Variants in RNF150 observed in about 807,000 individuals in gnomAD.
The protein encoded by RNF150 is ring finger protein 150.
In RNF150, 24 loss-of-function variants were observed where a neutral mutation model predicts 39.3. That is an observed-to-expected ratio of 0.61 (90% CI 0.44 to 0.86). The LOEUF is 0.86. Ranked by LOEUF, RNF150 falls within the 40% of genes least tolerant of loss-of-function variation. RNF150 has a pLI of 0.00. For missense variants in RNF150, 502 were observed against 587.8 expected, an observed-to-expected ratio of 0.85 and a Z score of 1.51; for synonymous variants, 255 against 227.3, an observed-to-expected ratio of 1.12 and a Z score of -1.10.
At position 140,947,879 on chromosome 4, in the gene RNF150, A is replaced by G. The variant is rs140103417; in HGVS notation, c.808-143T>C. On this transcript the variant is annotated intron_variant, in intron 3 of 6. Transcript: ENST00000515673. The stretch of plus-strand genomic sequence containing the variant: ...AGTTTTTAAATCAAATGTACCATCA[A>G]TTGGACTAGTTTCCATTCCTTCCAA... The G allele has an allele frequency of 1.1e-4, 60 of 554,288 alleles. No homozygotes were observed. The East Asian group carries it at 1.6e-3, about 15-fold the overall frequency. 34.3% of individuals were successfully genotyped at this position (554,288 alleles called of 1,614,324 possible).
At chr4:141,001,004 G>C (rs962737137) in intron 1 of RNF150, among the ~76,000 whole-genome samples, 1 of 152,154 alleles carries the variant, frequency 6.6e-6, no homozygotes, top group Admixed American at 6.5e-5. Flanking sequence ...CAGAGAAAAA[G>C]AATTAAACAA....
At chr4:141,063,991 C>CAAA (rs35348369) in intron 1 of RNF150, among the ~76,000 whole-genome samples, 8 of 116,658 alleles carry the variant, frequency 6.9e-5, no homozygotes, top group African/African-American at 1.4e-4. Flanking sequence ...AAAAGTTCTA[C>CAAA]AAAAAAAAAA....
At chr4:141,160,442 T>C (rs1479797836) in intron 1 of RNF150, among the ~76,000 whole-genome samples, 1 of 152,238 alleles carries the variant, frequency 6.6e-6, no homozygotes, top group Non-Finnish European at 1.5e-5. Context: ...ATAAAGTGTC[T>C]TTGCAAAGTA....
intron 6 of RNF150, among the ~76,000 whole-genome samples, chr4:140,908,945 A>G (rs1730491298): frequency 6.6e-6 from 1 of 152,142 alleles, no homozygotes; most frequent in Non-Finnish European, 1.5e-5. Flanking sequence ...ATGATCCTTT[A>G]CAAATGTTTA....
chr4:141,036,919 T>C (rs773525717), intron 1 of RNF150, among the ~76,000 whole-genome samples: 1 of 152,202 alleles, frequency 6.6e-6, no homozygotes, highest in Non-Finnish European at 1.5e-5. Flanking sequence ...AGCTCAAAAT[T>C]GCTGCAAGTC....
chr4:141,049,820 G>A, intron 1 of RNF150, among the ~76,000 whole-genome samples: 2 of 151,982 alleles, frequency 1.3e-5, no homozygotes, highest in East Asian at 1.9e-4. Flanking sequence ...CCCCTATTAG[G>A]GGAAAGCCAA....
chr4:141,089,445 G>A (rs553673349), intron 1 of RNF150, among the ~76,000 whole-genome samples: 12 of 152,204 alleles, frequency 7.9e-5, no homozygotes, highest in Admixed American at 2.0e-4. Context: ...CAAGAAAGAC[G>A]GTAGGAACAG....
At position 141,132,987 on chromosome 4, in the gene RNF150, G is replaced by C; in HGVS notation, c.-179C>G. 1.8e-6 allele frequency: 1 copy of C among 555,054 alleles called. No individual in the cohort carries two copies. Among genetic ancestry groups the C allele is most frequent in the Non-Finnish European group, 3.1e-6 (1 of 322,400 alleles). 34.4% of individuals were successfully genotyped at this position (555,054 alleles called of 1,614,324 possible). ...GGGACCGGATTCCGGGCGAGCGGAT[G>C]GCGCTGGCCCCTTCCCCTCTCAGCT... is the stretch of plus-strand genomic sequence containing the variant. On this transcript the variant is annotated 5_prime_UTR_variant, in exon 1 of 7. Transcript: ENST00000515673. The surrounding 1 kb of genome is among the most constrained non-coding windows in gnomAD (Gnocchi z 4.9).
intron 1 of RNF150, among the ~76,000 whole-genome samples, chr4:141,128,025 C>T (rs2111101511): frequency 6.6e-6 from 1 of 152,264 alleles, no homozygotes; most frequent in East Asian, 1.9e-4. Flanking sequence ...GGAACTGGAA[C>T]ACCCTGTTTC....
At chr4:141,100,728 T>G (rs1391936865) in intron 1 of RNF150, among the ~76,000 whole-genome samples, 1 of 152,194 alleles carries the variant, frequency 6.6e-6, no homozygotes, top group Non-Finnish European at 1.5e-5. Context: ...ATTTCATCAT[T>G]GTGGAAACAT....
At chr4:141,117,258 T>C (rs1482267601) in intron 1 of RNF150, among the ~76,000 whole-genome samples, 1 of 152,216 alleles carries the variant, frequency 6.6e-6, no homozygotes, top group Non-Finnish European at 1.5e-5. Context: ...GTGTTTCTTG[T>C]GCAACACAAA....
intron 1 of RNF150, among the ~76,000 whole-genome samples, chr4:141,210,855 A>G (rs1399967904): frequency 6.6e-6 from 1 of 152,186 alleles, no homozygotes. Flanking sequence ...ATGCTCATGT[A>G]ACTCAATTCT....
At chr4:140,895,904 G>C (rs1729925361) in intron 6 of RNF150, among the ~76,000 whole-genome samples, 1 of 150,098 alleles carries the variant, frequency 6.7e-6, no homozygotes, top group African/African-American at 2.5e-5. Context: ...CTCAAAAGAA[G>C]ACATTTATGC....
intron 4 of RNF150, among the ~76,000 whole-genome samples, chr4:140,934,894 C>T (rs1008092906): frequency 1.3e-5 from 2 of 149,678 alleles, no homozygotes; most frequent in Non-Finnish European, 3.0e-5. Context: ...TGATATCTGT[C>T]CTATCTATAT....
intron 2 of RNF150, among the ~76,000 whole-genome samples, chr4:140,965,914 C>A (rs1031981052): frequency 1.3e-5 from 2 of 151,976 alleles, no homozygotes; most frequent in Admixed American, 6.6e-5. Flanking sequence ...CTCTTGTCAT[C>A]AAAAAACTAT....
chr4:141,133,686 C>T (rs1219341047), upstream of RNF150, among the ~76,000 whole-genome samples: 1 of 152,120 alleles, frequency 6.6e-6, no homozygotes, highest in Non-Finnish European at 1.5e-5. Flanking sequence ...ACGGGAATAA[C>T]TTCCTGAGCG....
intron 5 of RNF150, among the ~76,000 whole-genome samples, chr4:140,917,550 G>A (rs1047093144): frequency 2.6e-5 from 4 of 152,160 alleles, no homozygotes; most frequent in African/African-American, 9.7e-5. Flanking sequence ...CAAGTCCTTA[G>A]TGACCTACAA....
chr4:140,994,728 C>A (rs1435122509), intron 1 of RNF150, among the ~76,000 whole-genome samples: 1 of 152,212 alleles, frequency 6.6e-6, no homozygotes, highest in Non-Finnish European at 1.5e-5. Context: ...TTGCTAGGCT[C>A]ACTAGAGTAA....
intron 1 of RNF150, among the ~76,000 whole-genome samples, chr4:141,205,598 T>G (rs563243168): frequency 6.6e-6 from 1 of 152,162 alleles, no homozygotes; most frequent in South Asian, 2.1e-4. Context: ...GGGTATTCAT[T>G]ATGATGAGAG....
Sources: allele counts gnomAD v4.1 joint callset (sites outside exome capture counted in the v4.1 genomes callset), GRCh38; gene constraint gnomAD v4.1.1; non-coding constraint Gnocchi (gnomAD v3.1); transcripts MANE v1.5; gene names NCBI Gene and HGNC (gene_info 2026-07-23, HGNC 2026-07-21).